The following DNAH5 variants were observed in gnomAD, a reference collection of about 807,000 sequenced individuals.
The protein encoded by DNAH5 is dynein axonemal heavy chain 5.
DNAH5 carries 372 observed loss-of-function variants against 518.2 expected under a neutral mutation model. The ratio of observed to expected loss-of-function variants is 0.72; its 90% CI spans 0.66 to 0.78. The LOEUF is 0.78. Among genes scored for constraint, DNAH5 ranks in the 30% least tolerant of loss-of-function variants. The pLI is 0.00. For missense variants in DNAH5, 5,523 were observed against 5,687.0 expected, an observed-to-expected ratio of 0.97 and a Z score of 0.93; for synonymous variants, 2,039 against 2,025.9, an observed-to-expected ratio of 1.01 and a Z score of -0.17.
chr5:13,823,455 T>G, intron 39 of DNAH5, 85 bp from the exon 40 acceptor site: 1 of 860,724 alleles, frequency 1.2e-6, no homozygotes, highest in Non-Finnish European at 2.0e-6. Flanking sequence ...CCCAACACAG[T>G]CCGGGTTATT....
intron 70 of DNAH5, among the ~76,000 whole-genome samples, chr5:13,723,066 T>C (rs928058913): frequency 1.5e-4 from 23 of 152,314 alleles, no homozygotes; most frequent in Non-Finnish European, 2.8e-4. Flanking sequence ...CTGGGAAGTT[T>C]TGAGGAGGTG....
chr5:14,011,231 A>C (rs555622014), intron 1 of DNAH5, among the ~76,000 whole-genome samples: 1 of 152,306 alleles, frequency 6.6e-6, no homozygotes, highest in South Asian at 2.1e-4. Flanking sequence ...CCAACGAACG[A>C]CAGACACAAA....
At chr5:13,755,865 C>T (rs1004798268) in intron 61 of DNAH5, among the ~76,000 whole-genome samples, 2 of 152,196 alleles carry the variant, frequency 1.3e-5, no homozygotes, top group African/African-American at 2.4e-5. Flanking sequence ...AGAAAATGAC[C>T]AGTCCTCTCC....
intron 25 of DNAH5, among the ~76,000 whole-genome samples, chr5:13,866,968 T>G (rs797055): frequency 6.6e-6 from 1 of 152,086 alleles, no homozygotes; most frequent in Non-Finnish European, 1.5e-5. Flanking sequence ...GGGCAAGGCT[T>G]GATCTGTCTT....
intron 38 of DNAH5, 23 bp downstream of exon 38, chr5:13,829,487 A>C: frequency 1.2e-6 from 2 of 1,612,432 alleles, no homozygotes; most frequent in African/African-American, 1.3e-5. Flanking sequence ...GCCTAAGTGC[A>C]TAAGACCTCC....
At chr5:13,827,625 C>A (rs903650335) in intron 38 of DNAH5, among the ~76,000 whole-genome samples, 2 of 151,048 alleles carry the variant, frequency 1.3e-5, no homozygotes, top group Non-Finnish European at 1.5e-5. Flanking sequence ...TGAGTTAAGA[C>A]TTTGAGGGAC....
At chr5:13,752,791 G>A (rs1750424511) in intron 63 of DNAH5, among the ~76,000 whole-genome samples, 2 of 152,192 alleles carry the variant, frequency 1.3e-5, no homozygotes. Context: ...AAGTGTAACT[G>A]TTTCCATTGT....
intron 28 of DNAH5, among the ~76,000 whole-genome samples, chr5:13,863,516 T>C (rs891092416): frequency 5.3e-5 from 8 of 152,116 alleles, no homozygotes; most frequent in Admixed American, 5.2e-4. Flanking sequence ...GCAAGAAATC[T>C]AGAGTTCATC....
chr5:14,002,106 C>T (rs746818983), intron 1 of DNAH5, among the ~76,000 whole-genome samples: 2 of 151,708 alleles, frequency 1.3e-5, no homozygotes, highest in Non-Finnish European at 2.9e-5. Context: ...ACCATGTTAG[C>T]CAGGATGGTC....
At position 13,717,425 on chromosome 5, in the gene DNAH5, G is replaced by A. The variant is rs374874272; in HGVS notation, c.12595C>T (p.Arg4199Cys). ...TTCCACCCCAGGGCACCGAACTTGCGCCTCTCCTGGACAGTGGAGTGCAGG... is the reference window on the plus strand; with the variant it reads ...TTCCACCCCAGGGCACCGAACTTGCACCTCTCCTGGACAGTGGAGTGCAGG... ...AFLHSTVQER[R>C]KFGALGWNIP... is the part of the protein sequence containing the mutation. Residue 4199 changes from arginine (R) to cysteine (C), a missense_variant, in exon 73 of 79, where the codon CGC (arginine) becomes TGC (cysteine). This residue lies in a region of DNAH5 where 5,121 missense variants were observed against 5,223.3 expected (regional missense o/e 0.98). Coordinates refer to ENST00000265104, the MANE Select transcript of DNAH5 (RefSeq NM_001369.3). 1.4e-5 allele frequency: 23 copies of A among 1,613,988 alleles called. No individual in the cohort carries two copies. Among genetic ancestry groups the A allele is most frequent in the South Asian group, 3.3e-5 (3 of 91,082 alleles).
At chr5:13,728,161 C>T (rs1029255440) in intron 69 of DNAH5, among the ~76,000 whole-genome samples, 2 of 152,034 alleles carry the variant, frequency 1.3e-5, no homozygotes, top group Non-Finnish European at 2.9e-5. Flanking sequence ...GGAAATACGC[C>T]AGTTAATATC....
intron 55 of DNAH5, 45 bp from the exon 56 acceptor site, chr5:13,771,025 TA>T: frequency 6.8e-7 from 1 of 1,477,628 alleles, no homozygotes; most frequent in Non-Finnish European, 9.4e-7. Flanking sequence ...GTATGTAAGT[TA>T]CCCTTTTAAA....
intron 1 of DNAH5, among the ~76,000 whole-genome samples, chr5:13,978,065 C>T (rs1047175848): frequency 6.6e-6 from 1 of 152,176 alleles, no homozygotes; most frequent in African/African-American, 2.4e-5. Flanking sequence ...GCCCAAGGGG[C>T]CAAGCATCGT....
intron 78 of DNAH5, among the ~76,000 whole-genome samples, chr5:13,699,629 G>A (rs144315983): frequency 0.014 from 2,116 of 152,270 alleles, 45 homozygotes; most frequent in African/African-American, 0.048. Flanking sequence ...CAGGAGAATC[G>A]CTTGAACTCA....
At chr5:13,827,116 T>C (rs1030216289) in intron 38 of DNAH5, among the ~76,000 whole-genome samples, 30 of 152,138 alleles carry the variant, frequency 2.0e-4, no homozygotes, top group Admixed American at 2.0e-3. Context: ...ACTTTGAACT[T>C]GAGAGAAATA....
intron 47 of DNAH5, among the ~76,000 whole-genome samples, chr5:13,803,840 C>A (rs774608840): frequency 6.6e-6 from 1 of 152,068 alleles, no homozygotes; most frequent in Non-Finnish European, 1.5e-5. Flanking sequence ...ATCTACTGCA[C>A]AAGATGTCAC....
chr5:13,740,484 C>T (rs1371253299), intron 65 of DNAH5, among the ~76,000 whole-genome samples: 1 of 152,072 alleles, frequency 6.6e-6, no homozygotes, highest in African/African-American at 2.4e-5. Flanking sequence ...TCCCCTTTTT[C>T]ACTTTGCTCT....
chr5:13,861,903 A>C (rs1303309107), intron 29 of DNAH5, among the ~76,000 whole-genome samples: 1 of 139,876 alleles, frequency 7.1e-6, no homozygotes, highest in East Asian at 2.4e-4. Flanking sequence ...CAGTGAGCTG[A>C]GATCACGCCA....
At position 13,721,366 on chromosome 5, in the gene DNAH5, A is replaced by C. The variant is rs547785734; in HGVS notation, c.12034-121T>G. 1.0e-4 allele frequency: 120 copies of C among 1,167,672 alleles called. No individual in the cohort carries two copies. In the South Asian group the frequency reaches 1.4e-3, roughly 14 times the overall value. 72.3% of individuals were successfully genotyped at this position (1,167,672 alleles called of 1,614,324 possible). A position where few individuals can be genotyped will look rare whatever the true frequency, so the allele number is the denominator to read the frequency against. ...CAGTGATGTCCACAGTAACCCTGTC[A>C]GGCAAACAGGGTAGAGACTGTTTTT... On this transcript the variant is annotated intron_variant, in intron 70 of 78. Transcript: ENST00000265104.
Sources: allele counts gnomAD v4.1 joint callset (sites outside exome capture counted in the v4.1 genomes callset), GRCh38; gene constraint gnomAD v4.1.1; regional missense constraint gnomAD v4.1.1; transcripts MANE v1.5; gene names NCBI Gene and HGNC (gene_info 2026-07-23, HGNC 2026-07-21).